Variants in GPATCH2 observed in about 807,000 individuals in gnomAD.
GPATCH2 encodes G-patch domain containing 2.
A neutral mutation model predicts 58.0 loss-of-function variants in GPATCH2; 51 were observed. That is an observed-to-expected ratio of 0.88 (90% CI 0.70 to 1.11). GPATCH2 has a LOEUF of 1.11. GPATCH2 is among the 50% of genes most tolerant of loss of function. The pLI is 0.00. For missense variants in GPATCH2, 625 were observed against 652.2 expected (o/e 0.96, Z 0.45); for synonymous variants, 222 against 218.5 (o/e 1.02, Z -0.14).
At chr1:217,494,416 G>A (rs748157609) in intron 7 of GPATCH2, among the ~76,000 whole-genome samples, 18 of 152,180 alleles carry the variant, frequency 1.2e-4, no homozygotes, top group Admixed American at 2.6e-4. Flanking sequence ...TTAATCTAAG[G>A]TGTTACTTGA....
intron 1 of GPATCH2, among the ~76,000 whole-genome samples, chr1:217,621,375 A>T (rs533098976): frequency 1.4e-4 from 22 of 152,324 alleles, no homozygotes; most frequent in African/African-American, 5.1e-4. Flanking sequence ...CACCCGTCTT[A>T]TGAAGACCAC....
At chr1:217,606,867 T>C (rs574337480) in intron 5 of GPATCH2, among the ~76,000 whole-genome samples, 70 of 152,298 alleles carry the variant, frequency 4.6e-4, no homozygotes, top group Non-Finnish European at 8.2e-4. Context: ...ATTTATTTAA[T>C]ATATATTATG....
intron 8 of GPATCH2, among the ~76,000 whole-genome samples, chr1:217,469,025 T>A (rs919371705): frequency 6.6e-6 from 1 of 152,154 alleles, no homozygotes; most frequent in Non-Finnish European, 1.5e-5. Context: ...CAAGGCTTCA[T>A]GAAAGAGACT....
intron 5 of GPATCH2, among the ~76,000 whole-genome samples, chr1:217,595,273 A>G (rs904610194): frequency 2.6e-5 from 4 of 152,210 alleles, no homozygotes; most frequent in African/African-American, 9.6e-5. Flanking sequence ...CAATAGTAAA[A>G]AAACCCTTGA....
chr1:217,593,119 G>GA (rs1667667982), intron 5 of GPATCH2, among the ~76,000 whole-genome samples: 1 of 151,940 alleles, frequency 6.6e-6, no homozygotes, highest in Admixed American at 6.6e-5. Context: ...AAAGGAGGGT[G>GA]AAAAAGGTGC....
intron 5 of GPATCH2, among the ~76,000 whole-genome samples, chr1:217,567,626 G>T (rs1271863670): frequency 6.6e-6 from 1 of 152,150 alleles, no homozygotes; most frequent in Non-Finnish European, 1.5e-5. Flanking sequence ...AGGACTGTCT[G>T]ATGTTTCTGT....
chr1:217,509,598 A>G (rs1358003721), intron 6 of GPATCH2, among the ~76,000 whole-genome samples: 3 of 152,198 alleles, frequency 2.0e-5, no homozygotes. Context: ...CCTAAGGCTC[A>G]TTCTAGCTCT....
intron 5 of GPATCH2, among the ~76,000 whole-genome samples, chr1:217,537,600 A>G (rs1559562): frequency 0.6 from 91,891 of 151,930 alleles, 29,018 homozygotes; most frequent in East Asian, 0.92. Context: ...AATCATTACC[A>G]CAACAAATGA....
At position 217,545,674 on chromosome 1, in the gene GPATCH2, A is replaced by G. The variant is rs140975649; in HGVS notation, c.1099-30785T>C. On this transcript the variant is annotated intron_variant, in intron 5 of 9. Transcript: ENST00000366935. ...ATGTAATTGTTTTTCTGTGTTGTCC[A>G]TGGCTCCAAGCACAAGTGGTCAAAA... Among the ~76,000 whole-genome samples the G allele has an allele frequency of 1.7e-3, 258 of 152,264 alleles. 1 individual carries two copies. Among genetic ancestry groups the G allele is most frequent in the African/African-American group, 5.7e-3 (238 of 41,550 alleles).
At chr1:217,452,842 A>C (rs1659731362) in intron 8 of GPATCH2, among the ~76,000 whole-genome samples, 1 of 152,216 alleles carries the variant, frequency 6.6e-6, no homozygotes, top group Non-Finnish European at 1.5e-5. Flanking sequence ...CCAAACCTGA[A>C]GACCTGAGCC....
chr1:217,553,132 TAA>T (rs1411532981), intron 5 of GPATCH2, among the ~76,000 whole-genome samples: 1 of 151,988 alleles, frequency 6.6e-6, no homozygotes, highest in Admixed American at 6.6e-5. Flanking sequence ...TCATTTCCCT[TAA>T]AAGACAGAAA....
chr1:217,433,540 G>A (rs1461147613), intron 9 of GPATCH2, among the ~76,000 whole-genome samples: 2 of 151,756 alleles, frequency 1.3e-5, no homozygotes, highest in South Asian at 2.1e-4. Flanking sequence ...GGGATTACAG[G>A]TGTGTGCCTT....
At position 217,565,783 on chromosome 1, in the gene GPATCH2, C is replaced by T. The variant is rs147388029; in HGVS notation, c.1098+44538G>A. Among the ~76,000 whole-genome samples, 6 of 152,110 alleles carry T rather than the reference C, an allele frequency of 3.9e-5. No homozygotes were observed. In the East Asian group the frequency reaches 5.8e-4, roughly 15 times the overall value. On this transcript the variant is annotated intron_variant, in intron 5 of 9. Coordinates refer to ENST00000366935, the MANE Select transcript of GPATCH2 (RefSeq NM_018040.5). The stretch of plus-strand genomic sequence containing the variant: ...AAAAAAAGTTCTATGCTTTTCTGTG[C>T]GATCCAACCTAATATCTACAGTAAG...
At chr1:217,485,546 A>G (rs1661418144) in intron 8 of GPATCH2, among the ~76,000 whole-genome samples, 1 of 151,230 alleles carries the variant, frequency 6.6e-6, no homozygotes, top group Non-Finnish European at 1.5e-5. Flanking sequence ...CTGACTTTGT[A>G]AATTGGTGAA....
At chr1:217,609,147 C>T (rs1196348594) in intron 5 of GPATCH2, 5 of 938,538 alleles carry the variant, frequency 5.3e-6, no homozygotes, top group Admixed American at 6.2e-5. Flanking sequence ...TTTTGAAGAA[C>T]TCAAATGGCT....
intron 8 of GPATCH2, among the ~76,000 whole-genome samples, chr1:217,479,379 AT>A (rs1661114344): frequency 6.6e-6 from 1 of 152,192 alleles, no homozygotes; most frequent in African/African-American, 2.4e-5. Context: ...AAAGTAGAGA[AT>A]GAGGTTGAGG....
At chr1:217,506,027 G>T (rs1398327672) in intron 6 of GPATCH2, among the ~76,000 whole-genome samples, 1 of 152,070 alleles carries the variant, frequency 6.6e-6, no homozygotes, top group Non-Finnish European at 1.5e-5. Context: ...CACCATGTTG[G>T]CCAGGCTGGT....
At chr1:217,523,894 CGGGGGG>C (rs1663637437) in intron 5 of GPATCH2, among the ~76,000 whole-genome samples, 1 of 112,900 alleles carries the variant, frequency 8.9e-6, no homozygotes, top group African/African-American at 2.9e-5. Flanking sequence ...GCTGGCCGGG[CGGGGGG>C]CTGACCCCCA....
At chr1:217,548,546 A>G (rs946888829) in intron 5 of GPATCH2, among the ~76,000 whole-genome samples, 6 of 152,186 alleles carry the variant, frequency 3.9e-5, no homozygotes, top group African/African-American at 1.4e-4. Context: ...TGAATTCAAT[A>G]GTTTATTCAG....
Sources: allele counts gnomAD v4.1 joint callset (sites outside exome capture counted in the v4.1 genomes callset), GRCh38; gene constraint gnomAD v4.1.1; transcripts MANE v1.5; gene names NCBI Gene and HGNC (gene_info 2026-07-23, HGNC 2026-07-21).